The following GPAT3 variants were observed in gnomAD, a reference collection of about 807,000 sequenced individuals.
GPAT3 encodes the protein 1-AGP acyltransferase 9.
A neutral mutation model predicts 58.8 loss-of-function variants in GPAT3; 53 were observed. That is an observed-to-expected ratio of 0.90 (90% confidence interval 0.72 to 1.13). The LOEUF is 1.13. Among genes scored for constraint, GPAT3 ranks in the 50% most tolerant of loss-of-function variants. GPAT3 has a pLI of 0.00. For missense variants in GPAT3, 511 were observed against 527.6 expected (o/e 0.97, Z 0.31); for synonymous variants, 197 against 187.4 (o/e 1.05, Z -0.42).
chr4:83,602,417 G>A lies in GPAT3; in HGVS notation c.1206-2251G>A, dbSNP rs527321625. On this transcript the variant is annotated intron_variant, in intron 11 of 11. Transcript: ENST00000264409. Reference sequence around the variant, plus strand: ...CTAGCCTCTTAAAAAAAAGAAAGTGGCCTCATTGCCTTTCTAGATTTATTT... The same window carrying A: ...CTAGCCTCTTAAAAAAAAGAAAGTGACCTCATTGCCTTTCTAGATTTATTT... 5.9e-5 allele frequency among the ~76,000 whole-genome samples: 9 copies of A among 152,242 alleles called. No homozygotes were observed. In the East Asian group the frequency reaches 1.7e-3, roughly 29 times the overall value.
chr4:83,577,390 C>A (rs1299318020), intron 2 of GPAT3, among the ~76,000 whole-genome samples: 6 of 152,138 alleles, frequency 3.9e-5, no homozygotes, highest in Non-Finnish European at 1.5e-5. Context: ...ATGTCAACCT[C>A]CTTGATTTTG....
rs911974089 is a variant in GPAT3, at chr4:83,575,898, A to G, written c.209-5664A>G. On this transcript the variant is annotated intron_variant, in intron 2 of 11. Transcript: ENST00000264409. ...CTTGCCACCTCATTTAATAAATACA[A>G]CATTACAGAAACAATGGAATTCTCC... is the stretch of plus-strand genomic sequence containing the variant. Among the ~76,000 whole-genome samples the G allele has an allele frequency of 7.9e-5, 12 of 152,224 alleles. 1 individual carries two copies. The highest frequency in any genetic ancestry group is 1.9e-4 in the African/African-American group (8 of 41,460).
At chr4:83,595,705 C>A (rs1456920220) in intron 7 of GPAT3, among the ~76,000 whole-genome samples, 1 of 150,866 alleles carries the variant, frequency 6.6e-6, no homozygotes, top group Non-Finnish European at 1.5e-5. Context: ...CAGGGGGAGA[C>A]CTTGTCTTAA....
chr4:83,562,969 C>A (rs183674951), intron 2 of GPAT3, among the ~76,000 whole-genome samples: 4 of 152,294 alleles, frequency 2.6e-5, no homozygotes, highest in Non-Finnish European at 5.9e-5. Context: ...GTAAGCTGTG[C>A]TTTTCTGTGA....
In GPAT3 at chr4:83,594,948, T is replaced by C; in HGVS notation, c.842T>C (p.Leu281Pro). 1.2e-6 allele frequency: 2 copies of C among 1,613,730 alleles called. No homozygotes were observed. Among genetic ancestry groups the C allele is most frequent in the South Asian group, 1.1e-5 (1 of 91,064 alleles). The change falls in exon 7 of 12, where the codon CTG becomes CCG. Residue 281 changes from leucine (L) to proline (P), a missense_variant. By Grantham distance (98) the Leu-to-Pro change is moderately conservative. Transcript: ENST00000264409. ...CGCTCAGAAATGAAGGATCGACACC[T>C]GGTTACTAAGAGGTAAGCAGTGAAA... ...FERSEMKDRH[L>P]VTKRLKEHIA...
At position 83,601,894 on chromosome 4, in the gene GPAT3, C is replaced by T. The variant is rs181313538; in HGVS notation, c.1206-2774C>T. Among the ~76,000 whole-genome samples the T allele has an allele frequency of 2.6e-5, 4 of 152,330 alleles. No individual in the cohort carries two copies. The East Asian group carries it at 7.7e-4, about 29-fold the overall frequency. Reference sequence around the variant, plus strand: ...GGCCTTCTGATTAAATGCTAGCTGACCACCCTGGAGTAAGAGTTCTTGACT... The same window carrying T: ...GGCCTTCTGATTAAATGCTAGCTGATCACCCTGGAGTAAGAGTTCTTGACT... On this transcript the variant is annotated intron_variant, in intron 11 of 11. Coordinates refer to ENST00000264409, the MANE Select transcript of GPAT3 (RefSeq NM_032717.5).
At chr4:83,575,128 G>C (rs1035192659) in intron 2 of GPAT3, among the ~76,000 whole-genome samples, 3 of 151,814 alleles carry the variant, frequency 2.0e-5, no homozygotes, top group African/African-American at 7.3e-5. Context: ...CGCCCGCCTC[G>C]GCCTCCCAAA....
intron 10 of GPAT3, 37 bp downstream of exon 10, chr4:83,598,216 G>A (rs1726922939): frequency 1.3e-6 from 2 of 1,589,880 alleles, no homozygotes; most frequent in African/African-American, 2.7e-5. Context: ...ATCAGGTAGA[G>A]GCAAGGAGAT....
intron 8 of GPAT3, 150 bp from the exon 9 acceptor site, chr4:83,597,280 C>G: frequency 2.0e-6 from 1 of 500,920 alleles, no homozygotes; most frequent in Non-Finnish European, 3.4e-6. Flanking sequence ...GGATTACTAC[C>G]TTGGCAGGGG....
intron 1 of GPAT3, among the ~76,000 whole-genome samples, chr4:83,540,344 A>C (rs1267221817): frequency 6.6e-6 from 1 of 152,152 alleles, no homozygotes; most frequent in Non-Finnish European, 1.5e-5. Context: ...TTTGTACTTT[A>C]GGACCATTTC....
intron 11 of GPAT3, among the ~76,000 whole-genome samples, chr4:83,598,981 G>T (rs1446245376): frequency 5.9e-5 from 9 of 151,596 alleles, no homozygotes; most frequent in Admixed American, 5.9e-4. Flanking sequence ...TAGAGATGGG[G>T]TGTCCTTGTG....
At chr4:83,571,126 T>C (rs949565908) in intron 2 of GPAT3, among the ~76,000 whole-genome samples, 1 of 152,224 alleles carries the variant, frequency 6.6e-6, no homozygotes, top group African/African-American at 2.4e-5. Flanking sequence ...GATTTCTCCA[T>C]GTTGCATGAA....
In GPAT3 at chr4:83,581,835, A is replaced by G; in HGVS notation, c.479+3A>G. 6.2e-7 allele frequency: 1 copy of G among 1,605,100 alleles called. No individual in the cohort carries two copies. Among genetic ancestry groups the G allele is most frequent in the Non-Finnish European group, 8.5e-7 (1 of 1,173,764 alleles). On this transcript the variant is annotated splice_donor_region_variant and intron_variant, in intron 3 of 11. Coordinates refer to ENST00000264409, the MANE Select transcript of GPAT3 (RefSeq NM_032717.5). Reference sequence around the variant, plus strand: ...TATTGTGTCCTACTGCCTCTGAGGTAAGTCATATGCCTGGTAATTTGATGA... The same window carrying G: ...TATTGTGTCCTACTGCCTCTGAGGTGAGTCATATGCCTGGTAATTTGATGA...
chr4:83,578,987 TC>T (rs1186794937), intron 2 of GPAT3, among the ~76,000 whole-genome samples: 1,646 of 129,522 alleles, frequency 0.013, 186 homozygotes, highest in African/African-American at 0.048. Context: ...TTTCTTTCTT[TC>T]CTTCCTTCCT....
At chr4:83,562,004 G>C (rs1317081118) in intron 2 of GPAT3, among the ~76,000 whole-genome samples, 1 of 150,502 alleles carries the variant, frequency 6.6e-6, no homozygotes, top group Non-Finnish European at 1.5e-5. Context: ...GTGATGAATG[G>C]AGTCATGAGC....
chr4:83,559,757 C>T (rs549534492), intron 2 of GPAT3, among the ~76,000 whole-genome samples: 19 of 152,212 alleles, frequency 1.2e-4, no homozygotes, highest in Non-Finnish European at 2.1e-4. Flanking sequence ...GTCCTCTCAC[C>T]GAAGCTCCTG....
chr4:83,598,787 TAG>T, intron 11 of GPAT3, 64 bp downstream of exon 11: 2 of 1,010,006 alleles, frequency 2.0e-6, no homozygotes, highest in Non-Finnish European at 2.8e-6. Context: ...TTTTTTTTTT[TAG>T]AGAATGCCTC....
At chr4:83,601,000 G>A (rs915344911) in intron 11 of GPAT3, among the ~76,000 whole-genome samples, 4 of 152,180 alleles carry the variant, frequency 2.6e-5, no homozygotes, top group Admixed American at 2.6e-4. Flanking sequence ...GAGTTAGGCT[G>A]TCAGCCAGGA....
chr4:83,588,176 G>A, intron 4 of GPAT3, 34 bp from the exon 5 acceptor site: 1 of 1,589,762 alleles, frequency 6.3e-7, no homozygotes, highest in Non-Finnish European at 8.6e-7. Flanking sequence ...AGAGTGCCCA[G>A]AATGGCACAA....
Sources: allele counts gnomAD v4.1 joint callset (sites outside exome capture counted in the v4.1 genomes callset), GRCh38; gene constraint gnomAD v4.1.1; transcripts MANE v1.5; gene names NCBI Gene and HGNC (gene_info 2026-07-23, HGNC 2026-07-21).